HSD17B11: variants seen among roughly 807,000 people sequenced by gnomAD.
HSD17B11 encodes the protein hydroxysteroid 17-beta dehydrogenase 11, also known as estradiol 17-beta-dehydrogenase 11.
In HSD17B11, 22 loss-of-function variants were observed where a neutral mutation model predicts 27.8. The ratio of observed to expected loss-of-function variants is 0.79; its 90% CI spans 0.56 to 1.13. The LOEUF is 1.13. Ranked by LOEUF, HSD17B11 falls within the 50% of genes most tolerant of loss-of-function variation. HSD17B11 has a pLI of 0.00. For synonymous variants in HSD17B11, 117 were observed against 132.8 expected (o/e 0.88, Z 0.82); for missense variants, 314 against 351.1 (o/e 0.89, Z 0.84).
At chr4:87,377,100 C>CTA (rs1735842417) in intron 2 of HSD17B11, among the ~76,000 whole-genome samples, 1 of 149,280 alleles carries the variant, frequency 6.7e-6, no homozygotes, top group African/African-American at 2.5e-5. Flanking sequence ...ATTGCACGCC[C>CTA]GCCTGGGTGA....
chr4:87,372,736 A>G lies in HSD17B11; in HGVS notation c.530T>C (p.Val177Ala). 6.2e-7 allele frequency: 1 copy of G among 1,612,896 alleles called. No individual in the cohort carries two copies. The part of the protein sequence containing the change: ...IVTVASAAGH[V>A]SVPFLLAYCS... ...GTAAGCCAGTAAGAAGGGGACCGAG[A>G]CATGTCCAGCTGCCGAAGCCACAGT... Residue 177 changes from valine (V) to alanine (A), a missense_variant, in exon 4 of 7, where the codon GTC becomes GCC. Physicochemically the swap from Val to Ala is moderately conservative, Grantham distance 64. Coordinates refer to ENST00000358290, the MANE Select transcript of HSD17B11 (RefSeq NM_016245.5).
At chr4:87,389,719 T>C (rs913244098) in intron 1 of HSD17B11, among the ~76,000 whole-genome samples, 2 of 152,208 alleles carry the variant, frequency 1.3e-5, no homozygotes, top group African/African-American at 2.4e-5. Context: ...CAGCATTGCA[T>C]GTCAACTAGT....
intron 1 of HSD17B11, among the ~76,000 whole-genome samples, chr4:87,390,302 G>A (rs946896355): frequency 3.3e-5 from 5 of 152,014 alleles, no homozygotes; most frequent in African/African-American, 1.2e-4. Context: ...GACTACAGAC[G>A]CCCGCCACCA....
At chr4:87,374,153 C>G (rs2110125921) in intron 3 of HSD17B11, among the ~76,000 whole-genome samples, 1 of 152,224 alleles carries the variant, frequency 6.6e-6, no homozygotes, top group South Asian at 2.1e-4. Flanking sequence ...GGTGAAACCC[C>G]ATCTCTACTA....
At chr4:87,390,157 CTTTT>C (rs758022312) in intron 1 of HSD17B11, among the ~76,000 whole-genome samples, 1 of 151,984 alleles carries the variant, frequency 6.6e-6, no homozygotes, top group Non-Finnish European at 1.5e-5. Context: ...TGAGTATAAT[CTTTT>C]TGTTTGTTTT....
intron 4 of HSD17B11, among the ~76,000 whole-genome samples, chr4:87,358,786 A>T (rs112916482): frequency 0.022 from 2,278 of 103,772 alleles, 49 homozygotes; most frequent in African/African-American, 0.067. Context: ...GAAATTTTTT[A>T]AAAAATTTTA....
intron 1 of HSD17B11, among the ~76,000 whole-genome samples, chr4:87,390,113 G>T (rs1050037094): frequency 6.6e-6 from 1 of 152,050 alleles, no homozygotes; most frequent in African/African-American, 2.4e-5. Flanking sequence ...ATTACTCTTG[G>T]CAATAACTAT....
intron 3 of HSD17B11, 82 bp from the exon 4 acceptor site, chr4:87,372,897 A>T: frequency 1.2e-6 from 1 of 850,162 alleles, no homozygotes; most frequent in Non-Finnish European, 1.9e-6. Flanking sequence ...AAACAAAAGT[A>T]TATTTTTTAA....
intron 4 of HSD17B11, among the ~76,000 whole-genome samples, chr4:87,364,112 T>C (rs1452567208): frequency 1.3e-5 from 2 of 152,080 alleles, no homozygotes. Flanking sequence ...AAAAAGGTTT[T>C]TTCTTCTCAG....
At chr4:87,379,613 T>C (rs1267019410) in intron 2 of HSD17B11, among the ~76,000 whole-genome samples, 1 of 145,696 alleles carries the variant, frequency 6.9e-6, no homozygotes, top group African/African-American at 2.5e-5. Flanking sequence ...AACTCATATA[T>C]ACATATATGT....
intron 2 of HSD17B11, among the ~76,000 whole-genome samples, chr4:87,380,250 G>A (rs970262351): frequency 4.4e-4 from 66 of 151,406 alleles, no homozygotes; most frequent in African/African-American, 1.5e-3. Flanking sequence ...CAAGGCAGGC[G>A]GATCGCGAGG....
chr4:87,367,726 T>A (rs1323901114), intron 4 of HSD17B11, among the ~76,000 whole-genome samples: 2 of 152,226 alleles, frequency 1.3e-5, no homozygotes, highest in East Asian at 3.9e-4. Context: ...CCCTGTTTAT[T>A]CCTGTAAACC....
At chr4:87,390,242 G>A (rs917140025) in intron 1 of HSD17B11, among the ~76,000 whole-genome samples, 2 of 152,112 alleles carry the variant, frequency 1.3e-5, no homozygotes, top group Non-Finnish European at 2.9e-5. Flanking sequence ...TGCAACCTCC[G>A]CCCCGCGGGG....
intron 1 of HSD17B11, 113 bp downstream of exon 1, chr4:87,390,748 T>C (rs1360186669): frequency 9.6e-6 from 7 of 729,908 alleles, no homozygotes; most frequent in African/African-American, 2.2e-5. Context: ...GCAATACTAA[T>C]TTTTTTTTCC....
intron 5 of HSD17B11, among the ~76,000 whole-genome samples, chr4:87,344,635 A>G (rs1735233379): frequency 6.6e-6 from 1 of 152,230 alleles, no homozygotes. Context: ...CTTGAATAAC[A>G]CTATAAATCA....
chr4:87,365,211 G>A (rs56284919), intron 4 of HSD17B11, among the ~76,000 whole-genome samples: 23,982 of 152,088 alleles, frequency 0.16, 2,020 homozygotes, highest in Admixed American at 0.19. Flanking sequence ...TATAAGTGCT[G>A]AATCTTCTAT....
chr4:87,378,837 T>A (rs1278703364), intron 2 of HSD17B11, among the ~76,000 whole-genome samples: 2 of 32,218 alleles, frequency 6.2e-5, no homozygotes, highest in African/African-American at 3.7e-4. Context: ...TATAAATATA[T>A]ATATATAAAT....
intron 2 of HSD17B11, among the ~76,000 whole-genome samples, chr4:87,380,693 T>C (rs1460286577): frequency 6.8e-6 from 1 of 146,516 alleles, no homozygotes; most frequent in Non-Finnish European, 1.5e-5. Context: ...CCGTCTCTAC[T>C]AAAAATACAA....
intron 1 of HSD17B11, among the ~76,000 whole-genome samples, chr4:87,389,789 C>T (rs1409020814): frequency 1.3e-5 from 2 of 152,152 alleles, no homozygotes; most frequent in Admixed American, 6.5e-5. Context: ...TGTTCATCTA[C>T]CAAAGGTCAA....
Sources: allele counts gnomAD v4.1 joint callset (sites outside exome capture counted in the v4.1 genomes callset), GRCh38; gene constraint gnomAD v4.1.1; transcripts MANE v1.5; gene names NCBI Gene and HGNC (gene_info 2026-07-23, HGNC 2026-07-21).